SGCD: variants seen among roughly 807,000 people sequenced by gnomAD.
SGCD encodes sarcoglycan delta.
A neutral mutation model predicts 36.6 loss-of-function variants in SGCD; 18 were observed. The observed-to-expected ratio is 0.49, with a 90% CI of 0.34 to 0.73. The LOEUF is 0.73. Ranked by LOEUF, SGCD falls within the 30% of genes least tolerant of loss-of-function variation. SGCD has a pLI of 0.01. For synonymous variants in SGCD, 133 were observed against 130.6 expected, an observed-to-expected ratio of 1.02 and a Z score of -0.12; for missense variants, 387 against 346.7, an observed-to-expected ratio of 1.12 and a Z score of -0.92.
At chr5:156,511,634 C>A (rs376771223) in intron 4 of SGCD, among the ~76,000 whole-genome samples, 1 of 152,186 alleles carries the variant, frequency 6.6e-6, no homozygotes, top group Non-Finnish European at 1.5e-5. Context: ...ACCTCCTTCA[C>A]CCAATCAGTC....
chr5:155,749,341 G>C, the SGCD span, among the ~76,000 whole-genome samples: 1 of 152,156 alleles, frequency 6.6e-6, no homozygotes, highest in African/African-American at 2.4e-5. Context: ...CAATGGAAGA[G>C]GAGCTTGACA....
At chr5:156,698,709 G>A (rs781647972) in intron 7 of SGCD, among the ~76,000 whole-genome samples, 24 of 152,184 alleles carry the variant, frequency 1.6e-4, no homozygotes, top group Non-Finnish European at 3.2e-4. Flanking sequence ...CAGCCCTGGA[G>A]TCCTGGTTCT....
At chr5:156,672,067 A>C (rs1753319037) in intron 7 of SGCD, among the ~76,000 whole-genome samples, 1 of 152,190 alleles carries the variant, frequency 6.6e-6, no homozygotes, top group Admixed American at 6.5e-5. Flanking sequence ...CCACATTTTA[A>C]TATAAATTTG....
At chr5:156,646,462 C>G (rs1763228743) in intron 6 of SGCD, among the ~76,000 whole-genome samples, 1 of 152,088 alleles carries the variant, frequency 6.6e-6, no homozygotes, top group Non-Finnish European at 1.5e-5. Context: ...AGACCTTGTC[C>G]CTGCCTACAC....
upstream of SGCD, among the ~76,000 whole-genome samples, chr5:156,323,261 C>A (rs563007848): frequency 6.6e-6 from 1 of 152,170 alleles, no homozygotes; most frequent in South Asian, 2.1e-4. Context: ...CCTCTCTTTG[C>A]GTTAGATCCA....
At chr5:156,404,175 A>G (rs1461136927) in intron 3 of SGCD, among the ~76,000 whole-genome samples, 1 of 152,160 alleles carries the variant, frequency 6.6e-6, no homozygotes, top group Non-Finnish European at 1.5e-5. Flanking sequence ...AGAATTGAGC[A>G]CGAATATTCT....
At chr5:156,485,253 CT>C (rs1188143417) in intron 3 of SGCD, among the ~76,000 whole-genome samples, 1 of 152,122 alleles carries the variant, frequency 6.6e-6, no homozygotes, top group African/African-American at 2.4e-5. Context: ...GTTAATTTTT[CT>C]GACATACTCA....
In SGCD at chr5:156,366,427, C is replaced by T. The variant is rs564868884; in HGVS notation, c.192+21750C>T. 3.5e-3 allele frequency among the ~76,000 whole-genome samples: 528 copies of T among 152,218 alleles called. 3 individuals are homozygous for T. Among genetic ancestry groups the T allele is most frequent in the African/African-American group, 0.012 (510 of 41,524 alleles). On this transcript the variant is annotated intron_variant, in intron 3 of 8. Coordinates refer to ENST00000337851, the MANE Select transcript of SGCD (RefSeq NM_000337.6). ...GAAAGATTTTAAAATCAGGGGAAATCACCCAGGAAATGTACAGGTACTAAA... is the reference window on the plus strand; with the variant it reads ...GAAAGATTTTAAAATCAGGGGAAATTACCCAGGAAATGTACAGGTACTAAA...
At chr5:155,759,061 C>G in the SGCD span, among the ~76,000 whole-genome samples, 1 of 151,680 alleles carries the variant, frequency 6.6e-6, no homozygotes, top group Non-Finnish European at 1.5e-5. Context: ...AGGCTGGTCT[C>G]AAACTTCTAG....
chr5:156,030,976 G>T (rs1032433980), intron 1 of SGCD, among the ~76,000 whole-genome samples: 2 of 152,164 alleles, frequency 1.3e-5, no homozygotes, highest in Non-Finnish European at 2.9e-5. Flanking sequence ...GTAGATTGGT[G>T]CTAGACCATG....
At chr5:155,800,863 T>C in the SGCD span, among the ~76,000 whole-genome samples, 35 of 152,200 alleles carry the variant, frequency 2.3e-4, no homozygotes, top group Admixed American at 2.6e-4. Flanking sequence ...TTTTTCTTTT[T>C]GTTTTGTGTT....
intron 3 of SGCD, among the ~76,000 whole-genome samples, chr5:156,238,154 G>C (rs1260172273): frequency 1.3e-5 from 2 of 152,000 alleles, no homozygotes; most frequent in Non-Finnish European, 2.9e-5. Context: ...TGTTTCCCAG[G>C]CTCTTCTCAA....
chr5:156,051,874 G>A (rs1464566079), intron 1 of SGCD, among the ~76,000 whole-genome samples: 1 of 145,344 alleles, frequency 6.9e-6, no homozygotes, highest in African/African-American at 2.5e-5. Flanking sequence ...AGGTGGGGAA[G>A]GGTTGTTGTT....
At chr5:156,067,785 C>G (rs552539459) in intron 1 of SGCD, among the ~76,000 whole-genome samples, 1 of 136,632 alleles carries the variant, frequency 7.3e-6, no homozygotes. Flanking sequence ...GGCAATGCCT[C>G]GCTCTGCTTC....
chr5:156,447,077 T>A (rs1753782959), intron 3 of SGCD, among the ~76,000 whole-genome samples: 1 of 152,076 alleles, frequency 6.6e-6, no homozygotes, highest in African/African-American at 2.4e-5. Context: ...ATTCTAAGGA[T>A]GGGATAACAC....
At position 156,475,142 on chromosome 5, in the gene SGCD, A is replaced by G. The variant is rs370747156; in HGVS notation, c.193-33459A>G. 2.5e-4 allele frequency among the ~76,000 whole-genome samples: 38 copies of G among 152,340 alleles called. No individual in the cohort carries two copies. The South Asian group carries it at 7.3e-3, about 29-fold the overall frequency. On this transcript the variant is annotated intron_variant, in intron 3 of 8. Transcript: ENST00000337851. ...TCCCCTTCTACCCTTTTATACCAAC[A>G]GTATGTTGGCACAAACTATCCCTGC...
chr5:156,263,771 A>G (rs1487306768), intron 3 of SGCD, among the ~76,000 whole-genome samples: 1 of 152,126 alleles, frequency 6.6e-6, no homozygotes, highest in African/African-American at 2.4e-5. Flanking sequence ...CTTTTGTATA[A>G]GGTGAGAGAT....
At chr5:156,265,728 C>G (rs1411845309) in intron 3 of SGCD, among the ~76,000 whole-genome samples, 1 of 151,640 alleles carries the variant, frequency 6.6e-6, no homozygotes, top group East Asian at 1.9e-4. Flanking sequence ...TCCATGTGGG[C>G]CCCATAATTT....
At chr5:156,647,907 T>C (rs1315871761) in intron 7 of SGCD, among the ~76,000 whole-genome samples, 2 of 152,150 alleles carry the variant, frequency 1.3e-5, no homozygotes, top group African/African-American at 4.8e-5. Context: ...TACAATACGA[T>C]GTCTTATTAT....
Sources: gnomAD v4.1 joint callset for allele counts (sites outside exome capture counted in the v4.1 genomes callset) on GRCh38, gnomAD v4.1.1 for gene constraint, MANE v1.5 for transcripts, NCBI Gene and HGNC (gene_info 2026-07-23, HGNC 2026-07-21) for gene names.